The following TMED1 variants were observed in gnomAD, a reference collection of about 807,000 sequenced individuals.
TMED1 encodes transmembrane emp24 domain-containing protein 1.
TMED1 carries 20 observed loss-of-function variants against 21.2 expected under a neutral mutation model. The ratio of observed to expected loss-of-function variants is 0.95; its 90% CI spans 0.67 to 1.37. TMED1 has a LOEUF of 1.37. TMED1 is among the 40% of genes most tolerant of loss of function. TMED1 has a pLI of 0.00. For synonymous variants in TMED1, 149 were observed against 134.7 expected (o/e 1.11, Z -0.74); for missense variants, 316 against 309.8 (o/e 1.02, Z -0.15).
In TMED1 at chr19:10,832,360, C is replaced by G. The variant is rs1293902536; in HGVS notation, c.*635G>C. 1.6e-6 allele frequency: 2 copies of G among 1,289,982 alleles called. No individual in the cohort carries two copies. Among genetic ancestry groups the G allele is most frequent in the Non-Finnish European group, 2.0e-6 (2 of 988,994 alleles). 79.9% of individuals were successfully genotyped at this position (1,289,982 alleles called of 1,614,324 possible). A position where few individuals can be genotyped will look rare whatever the true frequency, so the allele number is the denominator to read the frequency against. ...TTCTTCTGAGCTTCGTGGGAGGCCC[C>G]TCCCACCTGTCTGGCTGCCCCCTCG... On this transcript the variant is annotated 3_prime_UTR_variant, in exon 4 of 4. Coordinates refer to ENST00000214869, the MANE Select transcript of TMED1 (RefSeq NM_006858.4).
Position 10,832,923 on chromosome 19 carries a change from G to C in TMED1, c.*72C>G, listed in dbSNP as rs2073375805. The C allele has an allele frequency of 6.5e-7, 1 of 1,544,530 alleles. No individual in the cohort carries two copies. Among genetic ancestry groups the C allele is most frequent in the Non-Finnish European group, 8.8e-7 (1 of 1,137,592 alleles). On this transcript the variant is annotated 3_prime_UTR_variant, in exon 4 of 4. Coordinates refer to ENST00000214869, the MANE Select transcript of TMED1 (RefSeq NM_006858.4). ...TTTGGCAGGAAACTAAAATTGGGGA[G>C]GGACCCCCAAGTCTCATATGCACAC... is the stretch of plus-strand genomic sequence containing the variant.
intron 1 of TMED1, 131 bp from the exon 2 acceptor site, chr19:10,835,484 C>G: frequency 6.7e-7 from 1 of 1,482,896 alleles, no homozygotes; most frequent in Non-Finnish European, 9.0e-7. Flanking sequence ...CACACCCACA[C>G]CCGCCCCAAC....
At chr19:10,834,650 T>A (rs1225391795) in intron 3 of TMED1, among the ~76,000 whole-genome samples, 2 of 152,096 alleles carry the variant, frequency 1.3e-5, no homozygotes, top group African/African-American at 4.8e-5. Flanking sequence ...CGGCTAATTT[T>A]TGTATTTTTA....
chr19:10,835,516 T>A (rs1168233595), intron 1 of TMED1, 163 bp from the exon 2 acceptor site: 1 of 1,470,670 alleles, frequency 6.8e-7, no homozygotes, highest in African/African-American at 1.4e-5. Context: ...GCTGCGCCCC[T>A]TGCCTCCACC....
chr19:10,834,605 GAGT>G (rs2073401977), intron 3 of TMED1, among the ~76,000 whole-genome samples: 1 of 151,824 alleles, frequency 6.6e-6, no homozygotes, highest in African/African-American at 2.4e-5. Context: ...TCAGCCTCCT[GAGT>G]AGCTGGGATT....
Position 10,832,248 on chromosome 19 carries a change from C to G in TMED1, c.*747G>C, listed in dbSNP as rs923621647. The G allele has an allele frequency of 7.8e-7, 1 of 1,280,850 alleles. No individual in the cohort carries two copies. The highest frequency in any genetic ancestry group is 1.0e-6 in the Non-Finnish European group (1 of 980,790). The allele number at this position is 1,280,850 out of a possible 1,614,324, so 79.3% of individuals were successfully genotyped here. On this transcript the variant is annotated 3_prime_UTR_variant, in exon 4 of 4. Transcript: ENST00000214869. Reference sequence around the variant, plus strand: ...TCACCTCGTGGGGAAGCCCAAGCCTCGTGGCCCAACTGGGGCTCAGTTAAA... The same window carrying G: ...TCACCTCGTGGGGAAGCCCAAGCCTGGTGGCCCAACTGGGGCTCAGTTAAA...
rs2073374039 is a variant in TMED1 at position 10,832,788 on chromosome 19, CGGTGCA to C, written c.*201_*206del. 1 of 617,822 alleles carries C rather than the reference CGGTGCA, an allele frequency of 1.6e-6. No homozygotes were observed. The highest frequency in any genetic ancestry group is 2.8e-6 in the Non-Finnish European group (1 of 352,832). The allele number at this position is 617,822 out of a possible 1,614,324, so 38.3% of individuals were successfully genotyped here. Reference sequence around the variant, plus strand: ...CACCATGTGAGATTTCCAGGACCGTCGGTGCAGCCACTGAGCCGTCCCTTCTACAAG... The same window carrying C: ...CACCATGTGAGATTTCCAGGACCGTCGCCACTGAGCCGTCCCTTCTACAAG... On this transcript the variant is annotated 3_prime_UTR_variant, in exon 4 of 4. Coordinates refer to ENST00000214869, the MANE Select transcript of TMED1 (RefSeq NM_006858.4).
At position 10,836,001 on chromosome 19, in the gene TMED1, C is replaced by G. The variant is rs2073423949; in HGVS notation, c.183+8G>C. 1 of 1,581,202 alleles carries G rather than the reference C, an allele frequency of 6.3e-7. No homozygotes were observed. Among genetic ancestry groups the G allele is most frequent in the Non-Finnish European group, 8.6e-7 (1 of 1,164,432 alleles). ...ACTCTGCTGGCCGCCCAGCCCGCGACCCTCTACCTGGTATTCGGTCTCGAG... is the reference window on the plus strand; with the variant it reads ...ACTCTGCTGGCCGCCCAGCCCGCGAGCCTCTACCTGGTATTCGGTCTCGAG... On this transcript the variant is annotated splice_region_variant and intron_variant, in intron 1 of 3. Transcript: ENST00000214869.
At position 10,836,072 on chromosome 19, in the gene TMED1, C is replaced by A; in HGVS notation, c.120G>T (p.Ala40=). ...ACTGGTAGAAACACTGCTTCCTCCC[C>A]GCCGGCAACAGGAACGTGAACTCAC... The part of the protein sequence containing the change: ...QDGEFTFLLP[A]GRKQCFYQSA... The change falls in exon 1 of 4, where the codon GCG becomes GCT. Residue 40 remains alanine, a synonymous_variant. Coordinates refer to ENST00000214869, the MANE Select transcript of TMED1 (RefSeq NM_006858.4). The A allele has an allele frequency of 6.3e-7, 1 of 1,597,984 alleles. No individual in the cohort carries two copies. The highest frequency in any genetic ancestry group is 2.3e-5 in the East Asian group (1 of 43,860).
chr19:10,835,147 A>C (rs777084163), intron 2 of TMED1, 30 bp from the exon 3 acceptor site: 1 of 1,603,702 alleles, frequency 6.2e-7, no homozygotes, highest in Non-Finnish European at 8.5e-7. Context: ...GACATGACCC[A>C]GGGTGGCCAG....
Position 10,835,256 on chromosome 19 carries a change from G to A in TMED1, c.281C>T (p.Thr94Met), listed in dbSNP as rs1328608181. The part of the protein sequence containing the change: ...SESRKADGVH[T>M]VEPTEAGDYK... ...AGGCAGGCATCAAGACTGAACTCACGTGTGTACCCCATCAGCCTTGCGGGA... is the reference window on the plus strand; with the variant it reads ...AGGCAGGCATCAAGACTGAACTCACATGTGTACCCCATCAGCCTTGCGGGA... The change falls in exon 2 of 4, where the codon ACG (threonine) becomes ATG (methionine). Residue 94 changes from threonine to methionine, a missense_variant and splice_region_variant. Coordinates refer to ENST00000214869, the MANE Select transcript of TMED1 (RefSeq NM_006858.4). 5.0e-6 allele frequency: 8 copies of A among 1,614,136 alleles called. No individual in the cohort carries two copies. The Admixed American group carries it at 5.0e-5, about 10-fold the overall frequency.
intron 3 of TMED1, among the ~76,000 whole-genome samples, chr19:10,834,287 C>T (rs1381021211): frequency 3.9e-5 from 6 of 152,016 alleles, no homozygotes; most frequent in Admixed American, 6.6e-5. Flanking sequence ...TCTGTGTGGC[C>T]GTGAGTTGCT....
In TMED1 at chr19:10,836,062, G is replaced by A. The variant is rs1414388188; in HGVS notation, c.130C>T (p.Gln44Ter). ...FTFLLPAGRK[Q>*]CFYQSAPANA... is the part of the protein sequence containing the mutation. ...GCCGGCGCGGACTGGTAGAAACACT[G>A]CTTCCTCCCCGCCGGCAACAGGAAC... Residue 44 changes from glutamine (Q) to a stop codon, truncating the protein, a stop_gained, in exon 1 of 4, where the codon CAG becomes TAG. Transcript: ENST00000214869. LOFTEE classifies it high-confidence loss of function. 2.5e-6 allele frequency: 4 copies of A among 1,596,204 alleles called. No homozygotes were observed. Among genetic ancestry groups the A allele is most frequent in the South Asian group, 1.1e-5 (1 of 88,970 alleles).
At chr19:10,835,164 G>A (rs751234875) in intron 2 of TMED1, 47 bp from the exon 3 acceptor site, 19 of 1,610,062 alleles carry the variant, frequency 1.2e-5, no homozygotes, top group Middle Eastern at 1.6e-4. Flanking sequence ...CCAGCCAGCC[G>A]ACTCAGCGGG....
chr19:10,832,319 G>C lies in TMED1; in HGVS notation c.*676C>G. ...CTTGTGCCAGGCGACCACCTCCATC[G>C]GCTCCCGCACGACCTTTCTTCTGAG... is the stretch of plus-strand genomic sequence containing the variant. On this transcript the variant is annotated 3_prime_UTR_variant, in exon 4 of 4. Coordinates refer to ENST00000214869, the MANE Select transcript of TMED1 (RefSeq NM_006858.4). 1 of 1,289,760 alleles carries C rather than the reference G, an allele frequency of 7.8e-7. No homozygotes were observed. The highest frequency in any genetic ancestry group is 1.0e-6 in the Non-Finnish European group (1 of 988,858). 79.9% of individuals were successfully genotyped at this position (1,289,760 alleles called of 1,614,324 possible). A position where few individuals can be genotyped will look rare whatever the true frequency, so the allele number is the denominator to read the frequency against.
chr19:10,835,112 T>G lies in TMED1; in HGVS notation c.287A>C (p.Glu96Ala). The change falls in exon 3 of 4, where the codon GAG becomes GCG. Residue 96 changes from glutamate (E) to alanine (A), a missense_variant. Physicochemically the swap from Glu to Ala is moderately radical, Grantham distance 107. Transcript: ENST00000214869. ...SRKADGVHTV[E>A]PTEAGDYKLC... ...CTTGTAGTCCCCGGCCTCCGTTGGC[T>G]CCACCCTGGGCAGACAGACACACAG... The G allele has an allele frequency of 6.2e-7, 1 of 1,613,590 alleles. No individual in the cohort carries two copies. Among genetic ancestry groups the G allele is most frequent in the Non-Finnish European group, 8.5e-7 (1 of 1,179,738 alleles).
chr19:10,835,005 C>T lies in TMED1; in HGVS notation c.394G>A (p.Glu132Lys), dbSNP rs779864681. ...ELIFDSLQDD[E>K]EVEGWAEAVE... ...GCCTCTGCCCATCCTTCGACCTCCT[C>T]GTCATCCTGGAGGCTGTCAAAGATC... The change falls in exon 3 of 4, where the codon GAG becomes AAG. Residue 132 changes from glutamate to lysine, a missense_variant. Transcript: ENST00000214869. 37 of 1,614,114 alleles carry T rather than the reference C, an allele frequency of 2.3e-5. No homozygotes were observed. The highest frequency in any genetic ancestry group is 3.3e-4 in the Middle Eastern group (2 of 6,084).
Position 10,836,087 on chromosome 19 carries a change from C to T in TMED1, c.105G>A (p.Thr35=). The T allele has an allele frequency of 6.3e-7, 1 of 1,596,298 alleles. No homozygotes were observed. Among genetic ancestry groups the T allele is most frequent in the Middle Eastern group, 1.7e-4 (1 of 6,034 alleles). ...GPPPIQDGEF[T]FLLPAGRKQC... ...GCTTCCTCCCCGCCGGCAACAGGAA[C>T]GTGAACTCACCGTCCTGGATTGGCG... is the stretch of plus-strand genomic sequence containing the variant. The change falls in exon 1 of 4, where the codon ACG becomes ACA. Residue 35 remains threonine, a synonymous_variant. Coordinates refer to ENST00000214869, the MANE Select transcript of TMED1 (RefSeq NM_006858.4).
At chr19:10,835,854 C>A (rs2073421813) in intron 1 of TMED1, 155 bp downstream of exon 1, 1 of 978,166 alleles carries the variant, frequency 1.0e-6, no homozygotes, top group Non-Finnish European at 1.2e-6. Context: ...TCCCACACAC[C>A]GTCCCCGCCC....
Sources: gnomAD v4.1 joint callset for allele counts (sites outside exome capture counted in the v4.1 genomes callset) on GRCh38, gnomAD v4.1.1 for gene constraint, MANE v1.5 for transcripts, NCBI Gene and HGNC (gene_info 2026-07-23, HGNC 2026-07-21) for gene names.